The following DST variants were observed in gnomAD, a reference collection of about 807,000 sequenced individuals.
DST encodes the protein dystonin.
In DST, 253 loss-of-function variants were observed where a neutral mutation model predicts 875.2. The observed-to-expected ratio is 0.29, with a 90% CI of 0.26 to 0.32. The LOEUF (loss-of-function observed/expected upper bound fraction) is 0.32, where lower values mean the gene tolerates loss of function less well. DST is among the 10% of genes least tolerant of loss of function. The pLI, the probability that DST is intolerant of heterozygous loss-of-function variation, is 1.00. For synonymous variants in DST, 3,124 were observed against 3,197.1 expected, an observed-to-expected ratio of 0.98 and a Z score of 0.77; for missense variants, 8,287 against 9,111.6, an observed-to-expected ratio of 0.91 and a Z score of 3.68.
Position 56,487,256 on chromosome 6 carries a change from G to A in DST, c.20895C>T (p.Leu6965=), listed in dbSNP as rs765299229. ...TGTCGTAGACAGAATGCTTGGCTCC[G>A]AGTGATTTCTGAAACTCCTAAATAT... ...LAQHKEFQKS[L]GAKHSVYDTT... Residue 6965 remains leucine (L), a synonymous_variant, in exon 87 of 104, where the codon CTC becomes CTT. Transcript: ENST00000680361. The A allele has an allele frequency of 7.1e-5, 111 of 1,560,882 alleles. No homozygotes were observed. The highest frequency in any genetic ancestry group is 8.5e-5 in the Non-Finnish European group (98 of 1,154,972).
intron 2 of DST, among the ~76,000 whole-genome samples, chr6:56,926,477 G>A (rs949463498): frequency 2.6e-5 from 4 of 152,160 alleles, no homozygotes; most frequent in African/African-American, 9.7e-5. Context: ...CAGTTCCTGA[G>A]GGGAAGGAGG....
intron 69 of DST, among the ~76,000 whole-genome samples, chr6:56,523,123 G>C (rs2096737558): frequency 6.6e-6 from 1 of 151,964 alleles, no homozygotes; most frequent in South Asian, 2.1e-4. Context: ...TAATGAATGG[G>C]CCCAACTACT....
At chr6:56,588,699 T>G (rs575629197) in intron 49 of DST, among the ~76,000 whole-genome samples, 1 of 152,364 alleles carries the variant, frequency 6.6e-6, no homozygotes, top group Admixed American at 6.5e-5. Flanking sequence ...TTATTTATTA[T>G]CATTACTTAA....
intron 4 of DST, among the ~76,000 whole-genome samples, chr6:56,795,661 C>T (rs2099738518): frequency 6.6e-6 from 1 of 152,070 alleles, no homozygotes; most frequent in South Asian, 2.1e-4. Flanking sequence ...TCTCTCATAC[C>T]AGGATTTGGT....
At chr6:56,630,870 C>A (rs1298913713) in intron 30 of DST, among the ~76,000 whole-genome samples, 1 of 151,760 alleles carries the variant, frequency 6.6e-6, no homozygotes, top group Non-Finnish European at 1.5e-5. Context: ...GCAACCTCCA[C>A]CTCCCGGGTT....
At chr6:56,583,997 C>T (rs2098086218) in intron 49 of DST, among the ~76,000 whole-genome samples, 1 of 152,072 alleles carries the variant, frequency 6.6e-6, no homozygotes, top group Non-Finnish European at 1.5e-5. Flanking sequence ...TTACTGTAGC[C>T]TTGTAGTATA....
rs2096318017 is a variant in DST, at chr6:56,506,502, G to C, written c.19405C>G (p.Arg6469Gly). Reference sequence around the variant, plus strand: ...ATTGCCTCCTCAAGTTTGTCAATCCGGTCTTTCCAAGCTTTATTTAGAGAA... The same window carrying C: ...ATTGCCTCCTCAAGTTTGTCAATCCCGTCTTTCCAAGCTTTATTTAGAGAA... ...WDSLNKAWKD[R>G]IDKLEEAMQA... Residue 6469 changes from arginine to glycine, a missense_variant, in exon 77 of 104, where the codon CGG becomes GGG. Arg to Gly is a moderately radical substitution (Grantham distance 125, BLOSUM62 -2). Transcript: ENST00000680361. 1 of 1,612,922 alleles carries C rather than the reference G, an allele frequency of 6.2e-7. No homozygotes were observed. The highest frequency in any genetic ancestry group is 1.3e-5 in the African/African-American group (1 of 74,836).
intron 84 of DST, among the ~76,000 whole-genome samples, chr6:56,492,639 G>C (rs1268511302): frequency 3.3e-5 from 5 of 152,144 alleles, no homozygotes; most frequent in Non-Finnish European, 7.4e-5. Flanking sequence ...GGAGGCTGAG[G>C]TGGGTGGATC....
chr6:56,710,079 AAT>A (rs2099357181), intron 5 of DST, among the ~76,000 whole-genome samples: 2 of 152,304 alleles, frequency 1.3e-5, no homozygotes, highest in East Asian at 3.9e-4. Context: ...ATGAGGCCAT[AAT>A]ATCTCTGACC....
At chr6:56,495,198 T>A (rs2095865329) in intron 82 of DST, among the ~76,000 whole-genome samples, 1 of 151,922 alleles carries the variant, frequency 6.6e-6, no homozygotes, top group Admixed American at 6.6e-5. Flanking sequence ...AGCTAAAAAC[T>A]CAGGAAACTA....
At chr6:56,611,669 A>C in intron 37 of DST, 73 bp from the exon 38 acceptor site, 9 of 1,105,880 alleles carry the variant, frequency 8.1e-6, no homozygotes, top group Non-Finnish European at 1.2e-5. Flanking sequence ...AAAAAAAAGA[A>C]ATTAATCAAG....
At position 56,492,979 on chromosome 6, in the gene DST, T is replaced by G. The variant is rs760128424; in HGVS notation, c.20505A>C (p.Pro6835=). The change falls in exon 84 of 104, where the codon CCA becomes CCC. Residue 6835 remains proline (P), a synonymous_variant. Coordinates refer to ENST00000680361, the MANE Select transcript of DST (RefSeq NM_001374736.1). ...ATAAGACTGTGTCCAAGATGAGACT[T>G]GGCCGAGAAGCTACATTTAGGGTCT... ...AEQTLNVASR[P]SLILDTVLFQ... 6.2e-7 allele frequency: 1 copy of G among 1,612,642 alleles called. No homozygotes were observed. The highest frequency in any genetic ancestry group is 8.5e-7 in the Non-Finnish European group (1 of 1,179,260).
chr6:56,807,300 A>C (rs917605628), intron 4 of DST, among the ~76,000 whole-genome samples: 1 of 152,226 alleles, frequency 6.6e-6, no homozygotes, highest in African/African-American at 2.4e-5. Context: ...TGTTGTGATT[A>C]CAGGTGTGAG....
rs980748125 is a variant in DST, at chr6:56,526,498, G to T, written c.17992C>A (p.Leu5998Met). ...DSLNEVSSAL[L>M]ELVPWRAREG... Reference sequence around the variant, plus strand: ...CTTGCCCTCCATGGTACCAGTTCCAGCAAAGCACTGCTCACTTCATTAAGG... The same window carrying T: ...CTTGCCCTCCATGGTACCAGTTCCATCAAAGCACTGCTCACTTCATTAAGG... Residue 5998 changes from leucine to methionine, a missense_variant, in exon 69 of 104, where the codon CTG (leucine) becomes ATG (methionine). By Grantham distance (15) the Leu-to-Met change is conservative. Coordinates refer to ENST00000680361, the MANE Select transcript of DST (RefSeq NM_001374736.1). The T allele has an allele frequency of 6.2e-7, 1 of 1,613,778 alleles. No homozygotes were observed. The highest frequency in any genetic ancestry group is 8.5e-7 in the Non-Finnish European group (1 of 1,179,784).
intron 82 of DST, 77 bp from the exon 83 acceptor site, chr6:56,494,257 C>A: frequency 7.4e-7 from 1 of 1,348,262 alleles, no homozygotes; most frequent in South Asian, 1.6e-5. Context: ...GGTCATCAGT[C>A]CCAAGCTCCT....
At chr6:56,526,311 G>C (rs2096796199) in intron 69 of DST, 50 bp downstream of exon 69, 13 of 1,577,748 alleles carry the variant, frequency 8.2e-6, no homozygotes, top group Middle Eastern at 1.7e-4. Flanking sequence ...AAAGCTCCAA[G>C]AACAGCTGGA....
chr6:56,649,393 C>G (rs1187784388), intron 12 of DST, among the ~76,000 whole-genome samples: 1 of 152,170 alleles, frequency 6.6e-6, no homozygotes, highest in African/African-American at 2.4e-5. Flanking sequence ...ATAATATAAA[C>G]AGGCAAAATG....
chr6:56,877,653 T>G (rs1172490502), intron 3 of DST, among the ~76,000 whole-genome samples: 2 of 152,242 alleles, frequency 1.3e-5, no homozygotes, highest in Non-Finnish European at 2.9e-5. Context: ...AATGAAAATC[T>G]ATTCTAACAG....
rs79069052 is a variant in DST, at chr6:56,629,997, C to T, written c.4281+248G>A. Among the ~76,000 whole-genome samples the T allele has an allele frequency of 9.6e-3, 1,465 of 152,280 alleles. 8 individuals are homozygous for T. Among genetic ancestry groups the T allele is most frequent in the Non-Finnish European group, 0.015 (1,002 of 68,018 alleles). ...AATAATTTAATTTTTAGCTTCGACT[C>T]CTCCTGCTGCCAACATGAATTGACT... is the stretch of plus-strand genomic sequence containing the variant. On this transcript the variant is annotated intron_variant, in intron 31 of 103. Coordinates refer to ENST00000680361, the MANE Select transcript of DST (RefSeq NM_001374736.1).
Sources: gnomAD v4.1 joint callset for allele counts (sites outside exome capture counted in the v4.1 genomes callset) on GRCh38, gnomAD v4.1.1 for gene constraint, MANE v1.5 for transcripts, NCBI Gene and HGNC (gene_info 2026-07-23, HGNC 2026-07-21) for gene names.